NPHP4: variants seen among roughly 807,000 people sequenced by gnomAD.
NPHP4 encodes the protein nephrocystin 4, also known as nephrocystin-4.
NPHP4 carries 151 observed loss-of-function variants against 155.8 expected under a neutral mutation model. That is an observed-to-expected ratio of 0.97 (90% CI 0.85 to 1.11). The LOEUF (loss-of-function observed/expected upper bound fraction) is 1.11, where lower values mean the gene tolerates loss of function less well. Among genes scored for constraint, NPHP4 ranks in the 50% least tolerant of loss-of-function variants. The pLI, the probability that NPHP4 is intolerant of heterozygous loss-of-function variation, is 0.00. For missense variants in NPHP4, 1,956 were observed against 1,925.7 expected (o/e 1.02, Z -0.29); for synonymous variants, 845 against 816.8 (o/e 1.03, Z -0.59).
At chr1:5,912,206 G>A (rs1364213770) in intron 11 of NPHP4, among the ~76,000 whole-genome samples, 6 of 152,214 alleles carry the variant, frequency 3.9e-5, no homozygotes, top group East Asian at 3.9e-4. Context: ...GAGACCAGCC[G>A]GTGTGTGCAG....
intron 11 of NPHP4, among the ~76,000 whole-genome samples, chr1:5,922,495 G>A (rs1293562805): frequency 1.3e-5 from 2 of 151,902 alleles, no homozygotes; most frequent in Non-Finnish European, 2.9e-5. Flanking sequence ...TAAGAAAGGT[G>A]AAGCCTCCCT....
intron 23 of NPHP4, among the ~76,000 whole-genome samples, chr1:5,869,263 A>ACG (rs1641744250): frequency 1.4e-5 from 2 of 147,892 alleles, no homozygotes; most frequent in East Asian, 2.0e-4. Context: ...ATGCACACCC[A>ACG]CATGCATGCA....
intron 11 of NPHP4, among the ~76,000 whole-genome samples, chr1:5,912,209 G>A (rs182111900): frequency 4.6e-5 from 7 of 152,368 alleles, no homozygotes; most frequent in African/African-American, 1.7e-4. Context: ...ACCAGCCGGT[G>A]TGTGCAGAAC....
chr1:5,941,791 C>A lies in NPHP4; in HGVS notation c.1119+5313G>T, dbSNP rs113075694. Reference sequence around the variant, plus strand: ...AAGCAGTGACTTTGAAAACAGGGATCCCTGAGTCCAGACCCATGTGCGCTT... The same window carrying A: ...AAGCAGTGACTTTGAAAACAGGGATACCTGAGTCCAGACCCATGTGCGCTT... On this transcript the variant is annotated intron_variant, in intron 9 of 29. Transcript: ENST00000378156. Among the ~76,000 whole-genome samples the A allele has an allele frequency of 5.1e-3, 771 of 152,272 alleles. 8 individuals carry two copies. The highest frequency in any genetic ancestry group is 0.018 in the African/African-American group (732 of 41,542).
chr1:5,988,176 C>T (rs1046794638), intron 1 of NPHP4, among the ~76,000 whole-genome samples: 2 of 152,252 alleles, frequency 1.3e-5, no homozygotes, highest in Non-Finnish European at 2.9e-5. Context: ...ACGAAGAGTT[C>T]ATTCACATGG....
intron 16 of NPHP4, among the ~76,000 whole-genome samples, chr1:5,895,589 C>T (rs1478014316): frequency 1.3e-5 from 2 of 152,152 alleles, no homozygotes; most frequent in African/African-American, 4.8e-5. Flanking sequence ...CGTTAACGCC[C>T]CATTTTGACG....
chr1:5,969,083 G>A lies in NPHP4; in HGVS notation c.452+4C>T. ...CCCCAGGGTTGTAGAAACAAGGCAG[G>A]TACCTTTTGTCCTGGGAAGCAGAGA... On this transcript the variant is annotated splice_donor_region_variant and intron_variant, in intron 4 of 29. Transcript: ENST00000378156. 1.3e-6 allele frequency: 2 copies of A among 1,542,644 alleles called. No homozygotes were observed. The highest frequency in any genetic ancestry group is 2.4e-5 in the South Asian group (2 of 83,814).
In NPHP4 at chr1:5,880,224, TG is replaced by T; in HGVS notation, c.2500del (p.Gln834ArgfsTer3). On this transcript the variant is annotated frameshift_variant, in exon 19 of 30. Transcript: ENST00000378156. LOFTEE classifies it high-confidence loss of function. ...CAATGTGCTACAACCTCTCACTTTC[TG>T]TTCACACGGGTGACCTACATGAAAA... is the stretch of plus-strand genomic sequence containing the variant. ...TLANVGHPCE[Q>X]KVRGCSTLPP... The T allele has an allele frequency of 6.2e-7, 1 of 1,613,710 alleles. No homozygotes were observed. Among genetic ancestry groups the T allele is most frequent in the Non-Finnish European group, 8.5e-7 (1 of 1,179,768 alleles).
At chr1:5,959,701 T>C (rs1000373633) in intron 6 of NPHP4, among the ~76,000 whole-genome samples, 8 of 151,930 alleles carry the variant, frequency 5.3e-5, no homozygotes, top group African/African-American at 1.9e-4. Flanking sequence ...AGGCGACATC[T>C]CACAGCTAGT....
chr1:5,866,680 G>A (rs1302839762), intron 25 of NPHP4, among the ~76,000 whole-genome samples: 1 of 152,194 alleles, frequency 6.6e-6, no homozygotes, highest in African/African-American at 2.4e-5. Flanking sequence ...AGATTCTACA[G>A]GAGATTTTAT....
At chr1:5,915,697 G>C (rs1451758504) in intron 11 of NPHP4, among the ~76,000 whole-genome samples, 1 of 152,126 alleles carries the variant, frequency 6.6e-6, no homozygotes, top group Non-Finnish European at 1.5e-5. Context: ...ACTTGCCAGA[G>C]CCCTGAGCTG....
intron 16 of NPHP4, among the ~76,000 whole-genome samples, chr1:5,900,006 C>A (rs531302975): frequency 1.2e-4 from 19 of 152,148 alleles, no homozygotes; most frequent in African/African-American, 3.4e-4. Context: ...ATTACAACAA[C>A]AAGACACCAC....
At chr1:5,952,928 G>T in intron 6 of NPHP4, 92 bp from the exon 7 acceptor site, 1 of 1,246,996 alleles carries the variant, frequency 8.0e-7, no homozygotes, top group East Asian at 2.6e-5. Context: ...AGCCTCAGCC[G>T]GGGCCTGCAG....
At chr1:5,878,895 C>T (rs1357129237) in intron 19 of NPHP4, among the ~76,000 whole-genome samples, 3 of 152,220 alleles carry the variant, frequency 2.0e-5, no homozygotes, top group Non-Finnish European at 4.4e-5. Flanking sequence ...AGGGCACTGA[C>T]CCCAGGGCAG....
rs1332342460 is a variant in NPHP4 at position 5,879,968 on chromosome 1, A to G, written c.2611+146T>C. On this transcript the variant is annotated intron_variant, in intron 19 of 29. Coordinates refer to ENST00000378156, the MANE Select transcript of NPHP4 (RefSeq NM_015102.5). ...CACATGGACAGCACAGTCCCGTCCTAGACGCAGAGGGGCACTGACAGCACC... is the reference window on the plus strand; with the variant it reads ...CACATGGACAGCACAGTCCCGTCCTGGACGCAGAGGGGCACTGACAGCACC... 1.1e-5 allele frequency: 11 copies of G among 959,456 alleles called. No individual in the cohort carries two copies. In the East Asian group the frequency reaches 2.9e-4, roughly 25 times the overall value. 59.4% of individuals were successfully genotyped at this position (959,456 alleles called of 1,614,324 possible).
Position 5,863,137 on chromosome 1 carries a change from T to G in NPHP4, c.*128A>C, listed in dbSNP as rs116747881. 2.7e-3 allele frequency: 2,695 copies of G among 980,112 alleles called. 45 individuals carry two copies. The African/African-American group carries it at 0.039, about 14-fold the overall frequency. The allele number at this position is 980,112 out of a possible 1,614,324, so 60.7% of individuals were successfully genotyped here. A position where few individuals can be genotyped will look rare whatever the true frequency, so the allele number is the denominator to read the frequency against. ...CTCGGTCTCTGCTTCCTCAGCCAAG[T>G]GCACAGGTCAGCCAGGTGGGCACTG... On this transcript the variant is annotated 3_prime_UTR_variant, in exon 30 of 30. Transcript: ENST00000378156.
At chr1:5,903,019 AT>A (rs1644751161) in intron 16 of NPHP4, among the ~76,000 whole-genome samples, 1 of 152,230 alleles carries the variant, frequency 6.6e-6, no homozygotes, top group Non-Finnish European at 1.5e-5. Context: ...TAAAAAATAT[AT>A]ATGAATGATG....
intron 7 of NPHP4, among the ~76,000 whole-genome samples, chr1:5,950,847 C>T (rs1461796425): frequency 6.6e-6 from 1 of 152,150 alleles, no homozygotes; most frequent in Non-Finnish European, 1.5e-5. Flanking sequence ...TGCTCAGCCC[C>T]AACCTGAAAA....
chr1:5,873,522 G>A, intron 22 of NPHP4, 187 bp from the exon 23 acceptor site: 1 of 620,508 alleles, frequency 1.6e-6, no homozygotes, highest in Middle Eastern at 3.5e-4. Context: ...CAGGAACAAA[G>A]GGAACAGCAG....
Sources: allele counts gnomAD v4.1 joint callset (sites outside exome capture counted in the v4.1 genomes callset), GRCh38; gene constraint gnomAD v4.1.1; transcripts MANE v1.5; gene names NCBI Gene and HGNC (gene_info 2026-07-23, HGNC 2026-07-21).